The following CCAR1 variants were observed in gnomAD, a reference collection of about 807,000 sequenced individuals.
CCAR1 encodes the protein cell division cycle and apoptosis regulator 1, also known as cell division cycle and apoptosis regulator protein 1.
A neutral mutation model predicts 163.8 loss-of-function variants in CCAR1; 78 were observed. The ratio of observed to expected loss-of-function variants is 0.48; its 90% CI spans 0.40 to 0.57. The LOEUF (loss-of-function observed/expected upper bound fraction) is 0.57, where lower values mean the gene tolerates loss of function less well. Among genes scored for constraint, CCAR1 ranks in the 20% least tolerant of loss-of-function variants. CCAR1 has a pLI of 0.00. For synonymous variants in CCAR1, 443 were observed against 460.7 expected (o/e 0.96, Z 0.49); for missense variants, 1,019 against 1,365.2 (o/e 0.75, Z 4.00).
chr10:68,745,302 G>A (rs890246480), intron 6 of CCAR1, among the ~76,000 whole-genome samples: 4 of 151,104 alleles, frequency 2.6e-5, no homozygotes, highest in African/African-American at 7.3e-5. Context: ...CGCCACGCCC[G>A]GCCCTTTTTG....
At chr10:68,771,483 C>G (rs1184344951) in intron 18 of CCAR1, 38 bp downstream of exon 18, 3 of 1,511,110 alleles carry the variant, frequency 2.0e-6, no homozygotes, top group Admixed American at 4.3e-5. Context: ...CTTTCAGTTA[C>G]TCTTCTAGGT....
intron 2 of CCAR1, among the ~76,000 whole-genome samples, chr10:68,728,468 G>T (rs2055981676): frequency 6.6e-6 from 1 of 151,840 alleles, no homozygotes; most frequent in Non-Finnish European, 1.5e-5. Flanking sequence ...GCCTATGAAT[G>T]GTGTCTTCAA....
intron 2 of CCAR1, among the ~76,000 whole-genome samples, chr10:68,734,358 C>A (rs1416764462): frequency 2.0e-5 from 3 of 151,784 alleles, no homozygotes; most frequent in African/African-American, 7.3e-5. Context: ...TTGGTTTTGT[C>A]CCCCTAGATA....
intron 2 of CCAR1, among the ~76,000 whole-genome samples, chr10:68,723,262 C>T (rs1184607439): frequency 6.6e-6 from 1 of 150,874 alleles, no homozygotes; most frequent in Admixed American, 6.6e-5. Flanking sequence ...GCTGGGACTA[C>T]AGGCACCCGC....
rs1212126872 is a variant in CCAR1 at position 68,747,081 on chromosome 10, T to C, written c.519-80T>C. ...TGAGATATGGTTTACTTTAAAGTAC[T>C]AACTATGTAAATCATTTTGGGGAGA... On this transcript the variant is annotated intron_variant, in intron 6 of 24. Coordinates refer to ENST00000265872, the MANE Select transcript of CCAR1 (RefSeq NM_018237.4). 11 of 698,514 alleles carry C rather than the reference T, an allele frequency of 1.6e-5. No homozygotes were observed. In the Admixed American group the frequency reaches 1.9e-4, roughly 12 times the overall value. 43.3% of individuals were successfully genotyped at this position (698,514 alleles called of 1,614,324 possible). A position where few individuals can be genotyped will look rare whatever the true frequency, so the allele number is the denominator to read the frequency against.
intron 12 of CCAR1, 166 bp from the exon 13 acceptor site, chr10:68,755,204 C>T (rs1455214040): frequency 1.3e-6 from 1 of 770,376 alleles, no homozygotes; most frequent in Non-Finnish European, 2.4e-6. Flanking sequence ...TATTCCATTG[C>T]TGAAATGCAG....
chr10:68,745,784 A>G (rs1376356366), intron 6 of CCAR1, among the ~76,000 whole-genome samples: 1 of 150,220 alleles, frequency 6.7e-6, no homozygotes, highest in East Asian at 2.0e-4. Flanking sequence ...TTTTTTTTCC[A>G]GTTTCTTCAG....
chr10:68,764,285 C>T lies in CCAR1; in HGVS notation c.2107-1603C>T, dbSNP rs776037697. Among the ~76,000 whole-genome samples the T allele has an allele frequency of 4.6e-5, 7 of 152,048 alleles. No homozygotes were observed. The East Asian group carries it at 5.8e-4, about 13-fold the overall frequency. ...GTGGCTCCACCACCCTGCCAGCCTC[C>T]GTCTCCTGTGTAGACATTAACCTTC... On this transcript the variant is annotated intron_variant, in intron 16 of 24. Coordinates refer to ENST00000265872, the MANE Select transcript of CCAR1 (RefSeq NM_018237.4).
chr10:68,766,139 A>G, intron 17 of CCAR1, 60 bp downstream of exon 17: 2 of 972,800 alleles, frequency 2.1e-6, no homozygotes, highest in African/African-American at 3.3e-5. Context: ...ACTAGTTAAT[A>G]TATCTCTATC....
rs1234053217 is a variant in CCAR1, at chr10:68,747,509, A to T, written c.769A>T (p.Ile257Phe). The T allele has an allele frequency of 6.2e-7, 1 of 1,614,186 alleles. No homozygotes were observed. Among genetic ancestry groups the T allele is most frequent in the Non-Finnish European group, 8.5e-7 (1 of 1,180,020 alleles). ...GCAGGCACAGATTTCAGCAGCTTCT[A>T]TTACACCACTATTGCAGACTCAACC... ...LLQAQISAAS[I>F]TPLLQTQPQP... The change falls in exon 8 of 25, where the codon ATT (isoleucine) becomes TTT (phenylalanine). Residue 257 changes from isoleucine to phenylalanine, a missense_variant. Transcript: ENST00000265872.
intron 2 of CCAR1, among the ~76,000 whole-genome samples, chr10:68,726,936 A>G (rs2055956686): frequency 6.6e-6 from 1 of 151,826 alleles, no homozygotes; most frequent in South Asian, 2.1e-4. Flanking sequence ...CAGAGGTTGC[A>G]GTGAGCCCAG....
At chr10:68,728,184 A>G (rs191995906) in intron 2 of CCAR1, among the ~76,000 whole-genome samples, 13 of 152,270 alleles carry the variant, frequency 8.5e-5, no homozygotes, top group Admixed American at 3.3e-4. Context: ...ATTTGATGAA[A>G]AATATTTACA....
At chr10:68,767,388 C>T (rs2056549289) in intron 17 of CCAR1, among the ~76,000 whole-genome samples, 1 of 152,122 alleles carries the variant, frequency 6.6e-6, no homozygotes, top group Non-Finnish European at 1.5e-5. Context: ...CTGCCTCAGC[C>T]TCCCGGGTAG....
intron 17 of CCAR1, 37 bp downstream of exon 17, chr10:68,766,116 T>G (rs2056531889): frequency 7.7e-7 from 1 of 1,296,386 alleles, no homozygotes; most frequent in African/African-American, 1.5e-5. Flanking sequence ...CCATATAAGG[T>G]CCACACATTA....
At chr10:68,779,484 C>T (rs748400280) in intron 19 of CCAR1, among the ~76,000 whole-genome samples, 3 of 152,016 alleles carry the variant, frequency 2.0e-5, no homozygotes, top group Non-Finnish European at 4.4e-5. Context: ...GTCTCGAACT[C>T]CCGACCTCAG....
chr10:68,732,555 G>C (rs186828019), intron 2 of CCAR1, among the ~76,000 whole-genome samples: 2,335 of 152,084 alleles, frequency 0.015, 63 homozygotes, highest in African/African-American at 0.053. Context: ...CACCGTGTTG[G>C]CCAGGCTAGT....
rs1341043444 is a variant in CCAR1 at position 68,791,325 on chromosome 10, T to C, written c.*59T>C. The C allele has an allele frequency of 9.3e-6, 11 of 1,178,660 alleles. No individual in the cohort carries two copies. The highest frequency in any genetic ancestry group is 3.1e-5 in the African/African-American group (2 of 64,442). 73.0% of individuals were successfully genotyped at this position (1,178,660 alleles called of 1,614,324 possible). A position where few individuals can be genotyped will look rare whatever the true frequency, so the allele number is the denominator to read the frequency against. ...ATAATGTAATATATAAAAATCATGA[T>C]ATAAGAATGTTTGAAGGTGATGCAT... On this transcript the variant is annotated 3_prime_UTR_variant, in exon 25 of 25. Coordinates refer to ENST00000265872, the MANE Select transcript of CCAR1 (RefSeq NM_018237.4).
In CCAR1 at chr10:68,765,931, G is replaced by A. The variant is rs1174554212; in HGVS notation, c.2150G>A (p.Arg717Gln). 5.6e-6 allele frequency: 9 copies of A among 1,613,744 alleles called. No homozygotes were observed. Among genetic ancestry groups the A allele is most frequent in the Non-Finnish European group, 7.6e-6 (9 of 1,179,924 alleles). Residue 717 changes from arginine (R) to glutamine (Q), a missense_variant, in exon 17 of 25, where the codon CGA becomes CAA. Arg to Gln is a conservative substitution (Grantham distance 43). This residue lies in a region of CCAR1 where 644 missense variants were observed against 904.4 expected (regional missense o/e 0.71). Coordinates refer to ENST00000265872, the MANE Select transcript of CCAR1 (RefSeq NM_018237.4). ...KRQEEIERQR[R>Q]ERRYILPDEP... The stretch of plus-strand genomic sequence containing the variant: ...CAAGAGGAAATAGAACGCCAGCGTC[G>A]AGAAAGAAGATATATTTTGCCTGAT...
intron 15 of CCAR1, 35 bp downstream of exon 15, chr10:68,757,412 T>G (rs1313107404): frequency 8.0e-7 from 1 of 1,243,440 alleles, no homozygotes; most frequent in South Asian, 1.2e-5. Flanking sequence ...ATTTATTTTT[T>G]TCAATTAAAA....
Sources: gnomAD v4.1 joint callset for allele counts (sites outside exome capture counted in the v4.1 genomes callset) on GRCh38, gnomAD v4.1.1 for gene constraint, gnomAD v4.1.1 regional missense constraint, MANE v1.5 for transcripts, NCBI Gene and HGNC (gene_info 2026-07-23, HGNC 2026-07-21) for gene names.